MPHOSPH9: variants seen among roughly 807,000 people sequenced by gnomAD.
MPHOSPH9 encodes M-phase phosphoprotein 9.
In MPHOSPH9, 88 loss-of-function variants were observed where a neutral mutation model predicts 145.5. The ratio of observed to expected loss-of-function variants is 0.60; its 90% CI spans 0.51 to 0.72. The LOEUF is 0.72. Ranked by LOEUF, MPHOSPH9 falls within the 30% of genes least tolerant of loss-of-function variation. MPHOSPH9 has a pLI of 0.00. For missense variants in MPHOSPH9, 1,238 were observed against 1,386.6 expected (o/e 0.89, Z 1.70); for synonymous variants, 435 against 486.2 (o/e 0.89, Z 1.39).
At position 123,230,492 on chromosome 12, in the gene MPHOSPH9, A is replaced by G; in HGVS notation, c.-128T>C. On this transcript the variant is annotated 5_prime_UTR_variant, in exon 2 of 24. Coordinates refer to ENST00000606320, the MANE Select transcript of MPHOSPH9 (RefSeq NM_022782.4). The stretch of plus-strand genomic sequence containing the variant: ...GCATTTTCAGTGGCTAACATTCAGA[A>G]CTGTGAAATATCCTAAACTTCCAAG... 1.9e-6 allele frequency: 1 copy of G among 526,894 alleles called. No individual in the cohort carries two copies. Among genetic ancestry groups the G allele is most frequent in the Non-Finnish European group, 3.3e-6 (1 of 300,800 alleles). 32.6% of individuals were successfully genotyped at this position (526,894 alleles called of 1,614,324 possible). A position where few individuals can be genotyped will look rare whatever the true frequency, so the allele number is the denominator to read the frequency against.
chr12:123,192,540 ATC>A (rs1439462390), intron 13 of MPHOSPH9, among the ~76,000 whole-genome samples: 1 of 148,548 alleles, frequency 6.7e-6, no homozygotes, highest in East Asian at 2.1e-4. Flanking sequence ...AGGTGGAAGA[ATC>A]ACCTGAGCCC....
At chr12:123,171,192 G>A (rs2044562580) in intron 16 of MPHOSPH9, among the ~76,000 whole-genome samples, 1 of 152,138 alleles carries the variant, frequency 6.6e-6, no homozygotes, top group East Asian at 1.9e-4. Context: ...AGTGGCTCAC[G>A]CCTGTAATCC....
intron 13 of MPHOSPH9, 97 bp downstream of exon 13, chr12:123,194,289 A>G: frequency 1.3e-6 from 1 of 780,648 alleles, no homozygotes; most frequent in Non-Finnish European, 2.0e-6. Context: ...AATAAATAAT[A>G]AAATAAGCCT....
Position 123,176,598 on chromosome 12 carries a change from C to G in MPHOSPH9, c.2456+90G>C, listed in dbSNP as rs557998634. On this transcript the variant is annotated intron_variant, in intron 16 of 23. Transcript: ENST00000606320. The stretch of plus-strand genomic sequence containing the variant: ...GTTCTGTAATGACATTTAACCCGGA[C>G]TTTCTTATGATTTAGACAGATGAGT... 2.4e-5 allele frequency: 23 copies of G among 974,850 alleles called. No homozygotes were observed. The South Asian group carries it at 3.6e-4, about 15-fold the overall frequency. 60.4% of individuals were successfully genotyped at this position (974,850 alleles called of 1,614,324 possible).
At chr12:123,211,372 C>T (rs1273627660) in intron 7 of MPHOSPH9, among the ~76,000 whole-genome samples, 7 of 152,134 alleles carry the variant, frequency 4.6e-5, no homozygotes, top group Non-Finnish European at 7.3e-5. Context: ...CCTCCCGCCC[C>T]GGCCTCCCAA....
At chr12:123,202,040 A>G (rs1475496106) in intron 11 of MPHOSPH9, 124 bp downstream of exon 11, 2 of 1,049,086 alleles carry the variant, frequency 1.9e-6, no homozygotes, top group Admixed American at 2.8e-5. Context: ...AAAAATACTT[A>G]GGCAAACATG....
chr12:123,162,087 A>T, intron 21 of MPHOSPH9, 28 bp downstream of exon 21: 1 of 1,360,496 alleles, frequency 7.4e-7, no homozygotes, highest in Non-Finnish European at 1.0e-6. Context: ...GATTAAAACC[A>T]TAACTAATAT....
At chr12:123,220,252 C>T (rs1000459264) in intron 5 of MPHOSPH9, among the ~76,000 whole-genome samples, 2 of 151,524 alleles carry the variant, frequency 1.3e-5, no homozygotes, top group Non-Finnish European at 2.9e-5. Context: ...AACATACAGA[C>T]TAGAAAAAAG....
At chr12:123,182,548 T>C (rs1283151265) in intron 13 of MPHOSPH9, among the ~76,000 whole-genome samples, 2 of 151,148 alleles carry the variant, frequency 1.3e-5, no homozygotes, top group East Asian at 3.9e-4. Context: ...GCCTGGCCTA[T>C]TGTATATTAC....
chr12:123,222,746 A>G (rs2047259435), intron 4 of MPHOSPH9, among the ~76,000 whole-genome samples: 1 of 152,134 alleles, frequency 6.6e-6, no homozygotes, highest in Non-Finnish European at 1.5e-5. Flanking sequence ...AGACCAGCCT[A>G]GTGAACATGG....
exon 1 of MPHOSPH9, chr12:123,243,875 T>TGTCTC (rs1333323661): frequency 6.6e-6 from 1 of 152,218 alleles, no homozygotes; most frequent in Non-Finnish European, 1.5e-5. Context: ...CCTGATCCCA[T>TGTCTC]GTCTCCATCC....
At chr12:123,222,662 A>AG (rs2047255198) in intron 4 of MPHOSPH9, among the ~76,000 whole-genome samples, 2 of 151,830 alleles carry the variant, frequency 1.3e-5, no homozygotes, top group Non-Finnish European at 2.9e-5. Context: ...TCAAAAAAAA[A>AG]TAAATGAAAA....
chr12:123,201,411 G>A (rs987087613), intron 11 of MPHOSPH9, among the ~76,000 whole-genome samples: 10 of 151,956 alleles, frequency 6.6e-5, no homozygotes, highest in African/African-American at 1.7e-4. Context: ...ACAGGGTGTC[G>A]CTCTGTCACC....
chr12:123,218,580 C>A, intron 5 of MPHOSPH9, 81 bp from the exon 6 acceptor site: 1 of 1,384,284 alleles, frequency 7.2e-7, no homozygotes, highest in Non-Finnish European at 1.0e-6. Flanking sequence ...GGCTGGAGTA[C>A]GGTGGCGCAA....
chr12:123,216,486 A>C (rs1274229540), intron 6 of MPHOSPH9, among the ~76,000 whole-genome samples: 1 of 152,132 alleles, frequency 6.6e-6, no homozygotes, highest in East Asian at 1.9e-4. Context: ...TGATTTTGCC[A>C]TTTCAATGTG....
rs553513313 is a variant in MPHOSPH9 at position 123,208,578 on chromosome 12, CTA to C, written c.1194+1476_1194+1477del. Among the ~76,000 whole-genome samples, 220 of 146,614 alleles carry C rather than the reference CTA, an allele frequency of 1.5e-3. 2 individuals carry two copies. Among genetic ancestry groups the C allele is most frequent in the Middle Eastern group, 3.6e-3 (1 of 280 alleles). ...ATACAGCAAATTAAGTTGCTCATAA[CTA>C]TGGTGGAAATGGATCGCATAACAAA... On this transcript the variant is annotated intron_variant, in intron 8 of 23. Coordinates refer to ENST00000606320, the MANE Select transcript of MPHOSPH9 (RefSeq NM_022782.4).
rs567812139 is a variant in MPHOSPH9 at position 123,164,344 on chromosome 12, AC to A, written c.2768-255del. ...ATGAATTCATTCTGGCTCCCTGTTT[AC>A]AATCGGCATTCAAGGTGATTTTCAA... On this transcript the variant is annotated intron_variant, in intron 18 of 23. Coordinates refer to ENST00000606320, the MANE Select transcript of MPHOSPH9 (RefSeq NM_022782.4). Among the ~76,000 whole-genome samples, 445 of 152,364 alleles carry A rather than the reference AC, an allele frequency of 2.9e-3. 2 individuals carry two copies. The highest frequency in any genetic ancestry group is 0.01 in the African/African-American group (426 of 41,592).
Position 123,221,623 on chromosome 12 carries a change from T to TA in MPHOSPH9, c.620dup (p.Leu207PhefsTer7), listed in dbSNP as rs763182696. The TA allele has an allele frequency of 6.2e-7, 1 of 1,614,188 alleles. No homozygotes were observed. The highest frequency in any genetic ancestry group is 8.5e-7 in the Non-Finnish European group (1 of 1,180,016). On this transcript the variant is annotated frameshift_variant, in exon 5 of 24. Coordinates refer to ENST00000606320, the MANE Select transcript of MPHOSPH9 (RefSeq NM_022782.4). LOFTEE classifies it high-confidence loss of function. ...TAGGGTCTTTAGATTTGTACAGATT[T>TA]AATTCTGAGATACAAAAGGTGCCAT...
At chr12:123,189,186 T>C (rs2045571932) in intron 13 of MPHOSPH9, among the ~76,000 whole-genome samples, 1 of 152,078 alleles carries the variant, frequency 6.6e-6, no homozygotes, top group African/African-American at 2.4e-5. Context: ...CCTAACCACA[T>C]AGAGAGGAAC....
Sources: gnomAD v4.1 joint callset for allele counts (sites outside exome capture counted in the v4.1 genomes callset) on GRCh38, gnomAD v4.1.1 for gene constraint, MANE v1.5 for transcripts, NCBI Gene and HGNC (gene_info 2026-07-23, HGNC 2026-07-21) for gene names.